Variants in PPFIA2 observed in about 807,000 individuals in gnomAD.
The protein encoded by PPFIA2 is liprin-alpha-2.
Under a neutral mutation model 175.5 loss-of-function variants are expected in PPFIA2, and 46 were observed. The ratio of observed to expected loss-of-function variants is 0.26; its 90% CI spans 0.21 to 0.34. The LOEUF is 0.34. Ranked by LOEUF, PPFIA2 falls within the 10% of genes least tolerant of loss-of-function variation. The pLI is 1.00. For missense variants in PPFIA2, 1,179 were observed against 1,506.1 expected (o/e 0.78, Z 3.60); for synonymous variants, 568 against 511.4 (o/e 1.11, Z -1.49).
intron 22 of PPFIA2, among the ~76,000 whole-genome samples, chr12:81,314,072 A>G (rs987147647): frequency 6.6e-6 from 1 of 151,852 alleles, no homozygotes; most frequent in Non-Finnish European, 1.5e-5. Context: ...CTTCTCTTCC[A>G]TAGTAAATAA....
intron 22 of PPFIA2, among the ~76,000 whole-genome samples, chr12:81,306,999 A>C (rs1427944073): frequency 6.6e-6 from 1 of 152,220 alleles, no homozygotes; most frequent in African/African-American, 2.4e-5. Flanking sequence ...AGAATTGAAA[A>C]GTACTTTCAC....
intron 8 of PPFIA2, among the ~76,000 whole-genome samples, chr12:81,396,860 A>C (rs2041225702): frequency 6.6e-6 from 1 of 152,004 alleles, no homozygotes; most frequent in African/African-American, 2.4e-5. Context: ...TGATCAATGG[A>C]AGTGGTAGGA....
rs529272689 is a variant in PPFIA2 at position 81,324,417 on chromosome 12, A to G, written c.2642+1360T>C. On this transcript the variant is annotated intron_variant, in intron 22 of 32. Coordinates refer to ENST00000549396, the MANE Select transcript of PPFIA2 (RefSeq NM_003625.5). ...AATTGTGAAAGCTGTTCAGATTGCCATTCTTTGTCAAATATTTGTCTGGGA... is the reference window on the plus strand; with the variant it reads ...AATTGTGAAAGCTGTTCAGATTGCCGTTCTTTGTCAAATATTTGTCTGGGA... Among the ~76,000 whole-genome samples, 9 of 152,130 alleles carry G rather than the reference A, an allele frequency of 5.9e-5. No individual in the cohort carries two copies. The South Asian group carries it at 1.7e-3, about 28-fold the overall frequency.
intron 4 of PPFIA2, among the ~76,000 whole-genome samples, chr12:81,477,274 G>T (rs1372135133): frequency 1.3e-5 from 2 of 150,934 alleles, no homozygotes; most frequent in African/African-American, 4.8e-5. Context: ...AAAACCTCAG[G>T]ATTGAGAGAA....
At chr12:81,539,379 T>C (rs549231125) in intron 4 of PPFIA2, among the ~76,000 whole-genome samples, 1 of 151,988 alleles carries the variant, frequency 6.6e-6, no homozygotes, top group African/African-American at 2.4e-5. Context: ...ATAACCAAGG[T>C]CTGCATTTGC....
Position 81,734,833 on chromosome 12 carries a change from C to T in PPFIA2, c.249+19140G>A, listed in dbSNP as rs140572137. 2.0e-5 allele frequency among the ~76,000 whole-genome samples: 3 copies of T among 151,916 alleles called. No homozygotes were observed. The East Asian group carries it at 5.8e-4, about 30-fold the overall frequency. ...TACCCATTTGCTGTCACTTCCTATG[C>T]CCACCTCCAGCCGTAGGCAAACTTT... On this transcript the variant is annotated intron_variant, in intron 3 of 32. Transcript: ENST00000549396.
intron 4 of PPFIA2, among the ~76,000 whole-genome samples, chr12:81,547,817 A>T (rs927678198): frequency 7.2e-5 from 11 of 152,240 alleles, no homozygotes; most frequent in Admixed American, 7.2e-4. Flanking sequence ...AATATGTAAT[A>T]AACAAGGAAA....
At chr12:81,341,972 G>A (rs1045475313) in intron 19 of PPFIA2, among the ~76,000 whole-genome samples, 11 of 152,030 alleles carry the variant, frequency 7.2e-5, no homozygotes, top group Non-Finnish European at 1.6e-4. Context: ...AATATGAGTT[G>A]TGGTTTGTAA....
chr12:81,368,907 T>C (rs369607804), intron 12 of PPFIA2, 51 bp from the exon 13 acceptor site: 2 of 1,562,506 alleles, frequency 1.3e-6, no homozygotes, highest in African/African-American at 2.8e-5. Context: ...TGTTTGAGAT[T>C]ATTTTTATAG....
intron 21 of PPFIA2, among the ~76,000 whole-genome samples, chr12:81,331,515 TATTATAGTAG>T: frequency 6.6e-6 from 1 of 152,298 alleles, no homozygotes; most frequent in East Asian, 1.9e-4. Flanking sequence ...TTATTAAGCC[TATTATAGTAG>T]GTCAATGAGT....
chr12:81,596,914 G>C (rs1403663783), intron 4 of PPFIA2, among the ~76,000 whole-genome samples: 3 of 152,020 alleles, frequency 2.0e-5, no homozygotes, highest in African/African-American at 7.2e-5. Flanking sequence ...AGAAAGGGGA[G>C]AGAGAAAGAG....
chr12:81,311,749 A>G (rs1277065611), intron 22 of PPFIA2, among the ~76,000 whole-genome samples: 37 of 143,100 alleles, frequency 2.6e-4, no homozygotes, highest in South Asian at 6.7e-4. Context: ...AAAAAAAAAA[A>G]AAAGAAAGAA....
chr12:81,590,958 A>G (rs1468775373), intron 4 of PPFIA2, among the ~76,000 whole-genome samples: 3 of 152,198 alleles, frequency 2.0e-5, no homozygotes, highest in Non-Finnish European at 4.4e-5. Context: ...GGAACTGGAT[A>G]ACTGGCAGAG....
intron 4 of PPFIA2, among the ~76,000 whole-genome samples, chr12:81,611,798 T>G (rs1356238817): frequency 1.3e-5 from 2 of 152,152 alleles, no homozygotes; most frequent in Non-Finnish European, 2.9e-5. Flanking sequence ...CTGGGCTCCA[T>G]GCCGTCTCAA....
chr12:81,756,708 C>A (rs2084730663), intron 2 of PPFIA2, among the ~76,000 whole-genome samples: 1 of 152,044 alleles, frequency 6.6e-6, no homozygotes, highest in African/African-American at 2.4e-5. Flanking sequence ...GGTTACCTGA[C>A]TGAGAACACA....
rs115269279 is a variant in PPFIA2 at position 81,305,800 on chromosome 12, G to C, written c.2643-6418C>G. Among the ~76,000 whole-genome samples the C allele has an allele frequency of 3.3e-5, 5 of 152,168 alleles. No individual in the cohort carries two copies. In the East Asian group the frequency reaches 9.6e-4, roughly 29 times the overall value. On this transcript the variant is annotated intron_variant, in intron 22 of 32. Coordinates refer to ENST00000549396, the MANE Select transcript of PPFIA2 (RefSeq NM_003625.5). ...CTTTCCATAAATAGCTATCCTATTG[G>C]CAACTATATTGGAATGGTAAAACTT... is the stretch of plus-strand genomic sequence containing the variant.
chr12:81,351,543 C>A (rs2059997050), intron 17 of PPFIA2, among the ~76,000 whole-genome samples: 1 of 151,764 alleles, frequency 6.6e-6, no homozygotes, highest in Non-Finnish European at 1.5e-5. Context: ...GGTAGCAGCC[C>A]AACTTCAAAC....
chr12:81,657,064 T>C (rs1355866475), intron 4 of PPFIA2, among the ~76,000 whole-genome samples: 1 of 152,154 alleles, frequency 6.6e-6, no homozygotes, highest in Admixed American at 6.6e-5. Flanking sequence ...AAATTTCACG[T>C]TTTGCTGATT....
rs1388671855 is a variant in PPFIA2, at chr12:81,375,959, T to G, written c.985-17A>C. The G allele has an allele frequency of 6.3e-7, 1 of 1,598,822 alleles. No homozygotes were observed. Among genetic ancestry groups the G allele is most frequent in the Non-Finnish European group, 8.5e-7 (1 of 1,171,908 alleles). ...TGCCATGGCCTACAATTAAAATAAT[T>G]TAGAAAAAGCAAATCAGATTCTCAG... On this transcript the variant is annotated splice_polypyrimidine_tract_variant and intron_variant, in intron 9 of 32. Transcript: ENST00000549396.
Sources: allele counts gnomAD v4.1 joint callset (sites outside exome capture counted in the v4.1 genomes callset), GRCh38; gene constraint gnomAD v4.1.1; transcripts MANE v1.5; gene names NCBI Gene and HGNC (gene_info 2026-07-23, HGNC 2026-07-21).